Variants in RC3H2 observed in about 807,000 individuals in gnomAD.
RC3H2 encodes roquin-2.
In RC3H2, 31 loss-of-function variants were observed where a neutral mutation model predicts 133.3. That is an observed-to-expected ratio of 0.23 (90% CI 0.17 to 0.31). The LOEUF is 0.31. RC3H2 is among the 10% of genes least tolerant of loss of function. The pLI, the probability that RC3H2 is intolerant of heterozygous loss-of-function variation, is 1.00. For missense variants in RC3H2, 1,175 were observed against 1,437.2 expected (o/e 0.82, Z 2.95); for synonymous variants, 517 against 502.2 (o/e 1.03, Z -0.40).
At chr9:122,884,113 T>C (rs1244000368) in intron 4 of RC3H2, among the ~76,000 whole-genome samples, 1 of 151,942 alleles carries the variant, frequency 6.6e-6, no homozygotes, top group African/African-American at 2.4e-5. Context: ...GCTAACATGG[T>C]GAAACCCCGC....
intron 4 of RC3H2, among the ~76,000 whole-genome samples, chr9:122,884,311 C>T (rs1050964022): frequency 6.6e-6 from 1 of 151,948 alleles, no homozygotes; most frequent in Non-Finnish European, 1.5e-5. Context: ...AAATTAAACA[C>T]ACAGAACTAC....
In RC3H2 at chr9:122,901,263, T is replaced by A. The variant is rs59033438; in HGVS notation, c.-67-3687A>T. Among the ~76,000 whole-genome samples the A allele has an allele frequency of 6.6e-3, 1,003 of 152,342 alleles. 17 individuals carry two copies. The highest frequency in any genetic ancestry group is 0.023 in the African/African-American group (964 of 41,580). ...AACCTATGTGAGGAATATAAGCTAC[T>A]GAAATGGACTGTCACAGTACTTCCC... On this transcript the variant is annotated intron_variant, in intron 1 of 20. Transcript: ENST00000357244.
rs1436604171 is a variant in RC3H2, at chr9:122,869,737, T to G, written c.1326-4080A>C. Reference sequence around the variant, plus strand: ...CGCGCCTGCCAACACACCTGGCTAATTTTTGTATTTTTAGTAGAGATGGGG... The same window carrying G: ...CGCGCCTGCCAACACACCTGGCTAAGTTTTGTATTTTTAGTAGAGATGGGG... On this transcript the variant is annotated intron_variant, in intron 9 of 20. Transcript: ENST00000357244. Among the ~76,000 whole-genome samples, 3 of 151,970 alleles carry G rather than the reference T, an allele frequency of 2.0e-5. No homozygotes were observed. In the East Asian group the frequency reaches 5.8e-4, roughly 29 times the overall value.
chr9:122,903,557 TACC>T (rs915771880), intron 1 of RC3H2, among the ~76,000 whole-genome samples: 47 of 152,244 alleles, frequency 3.1e-4, no homozygotes, highest in African/African-American at 1.0e-3. Context: ...CATGTCAGGT[TACC>T]ACAACAGAAA....
chr9:122,865,389 G>A lies in RC3H2; in HGVS notation c.1594C>T (p.Gln532Ter). The A allele has an allele frequency of 6.2e-7, 1 of 1,613,840 alleles. No individual in the cohort carries two copies. Among genetic ancestry groups the A allele is most frequent in the Non-Finnish European group, 8.5e-7 (1 of 1,179,704 alleles). ...TCTGCAGAGGGCCCAGCAGCATTCT[G>A]ACCATTAGCGCCAACCTTTCCCACT... ...KKVGKVGANG[Q>*]NAAGPSADSV... Residue 532 changes from glutamine to a stop codon, truncating the protein, a stop_gained, in exon 10 of 21, where the codon CAG becomes TAG. Coordinates refer to ENST00000357244, the MANE Select transcript of RC3H2 (RefSeq NM_001100588.3). LOFTEE classifies it high-confidence loss of function.
In RC3H2 at chr9:122,865,322, C is replaced by T. The variant is rs1444035338; in HGVS notation, c.1634+27G>A. The T allele has an allele frequency of 1.9e-6, 3 of 1,550,400 alleles. No homozygotes were observed. In the South Asian group the frequency reaches 3.6e-5, roughly 18 times the overall value. On this transcript the variant is annotated intron_variant, in intron 10 of 20. Transcript: ENST00000357244. ...ATTTCTAAAAAGGAAAAAGAATTTC[C>T]AGTAATCATTTTTACCTAATACCTA... is the stretch of plus-strand genomic sequence containing the variant.
In RC3H2 at chr9:122,848,470, G is replaced by A. The variant is rs2131374472; in HGVS notation, c.*1157C>T. On this transcript the variant is annotated 3_prime_UTR_variant, in exon 21 of 21. Coordinates refer to ENST00000357244, the MANE Select transcript of RC3H2 (RefSeq NM_001100588.3). ...TCAAAACCATTTCAGTCACATTTTA[G>A]CAAGGCAGAAATTATTCATGTTCTT... The A allele has an allele frequency of 6.6e-6, 1 of 152,202 alleles. No homozygotes were observed. Among genetic ancestry groups the A allele is most frequent in the Non-Finnish European group, 1.5e-5 (1 of 67,982 alleles). The allele number at this position is 152,202 out of a possible 1,614,324, so 9.4% of individuals were successfully genotyped here.
intron 4 of RC3H2, among the ~76,000 whole-genome samples, chr9:122,888,553 CTT>C (rs1684765547): frequency 6.6e-6 from 1 of 152,160 alleles, no homozygotes; most frequent in Non-Finnish European, 1.5e-5. Flanking sequence ...CCCTCCTTCT[CTT>C]ACTTAGAAAG....
intron 2 of RC3H2, among the ~76,000 whole-genome samples, chr9:122,897,024 TAAAAAAAAAAAAAAAAAA>T (rs139505008): frequency 5.4e-5 from 2 of 37,022 alleles, no homozygotes; most frequent in Non-Finnish European, 1.1e-4. Flanking sequence ...AGACTCTGTC[TAAAAAAAAAAAAAAAAAA>T]AAAAAAAAGG....
chr9:122,852,438 C>T (rs1214269515), intron 18 of RC3H2, among the ~76,000 whole-genome samples: 9 of 148,782 alleles, frequency 6.0e-5, no homozygotes, highest in Middle Eastern at 3.6e-3. Context: ...GCCAGCCGCC[C>T]CGTCCGGGAG....
intron 11 of RC3H2, 23 bp downstream of exon 11, chr9:122,859,894 T>A: frequency 1.3e-6 from 2 of 1,538,840 alleles, no homozygotes; most frequent in Non-Finnish European, 1.8e-6. Context: ...CTTTTTTTCT[T>A]AGAATTGTCT....
At chr9:122,899,854 T>C (rs939253357) in intron 1 of RC3H2, among the ~76,000 whole-genome samples, 8 of 152,182 alleles carry the variant, frequency 5.3e-5, no homozygotes, top group African/African-American at 1.9e-4. Context: ...TGGCCACCTG[T>C]TTGGAAATGT....
chr9:122,867,172 G>T, intron 9 of RC3H2, among the ~76,000 whole-genome samples: 1 of 118,594 alleles, frequency 8.4e-6, no homozygotes, highest in African/African-American at 3.2e-5. Context: ...CCCGGCAGCC[G>T]GCCCATCTGA....
chr9:122,862,431 C>T (rs922304052), intron 10 of RC3H2, among the ~76,000 whole-genome samples: 1 of 152,200 alleles, frequency 6.6e-6, no homozygotes, highest in Admixed American at 6.5e-5. Flanking sequence ...CCTTCTCCAT[C>T]CACAAGGCCC....
chr9:122,898,068 A>C (rs1254325033), intron 1 of RC3H2: 1 of 152,294 alleles, frequency 6.6e-6, no homozygotes, highest in African/African-American at 2.4e-5. Flanking sequence ...TGAAGAAAAC[A>C]GCTTTGCCAC....
intron 9 of RC3H2, chr9:122,875,296 A>T: frequency 1.9e-6 from 3 of 1,550,638 alleles, no homozygotes; most frequent in Non-Finnish European, 2.6e-6. Flanking sequence ...TGTAGAGCTC[A>T]TTATGTACAG....
intron 5 of RC3H2, among the ~76,000 whole-genome samples, chr9:122,882,525 T>G (rs775122099): frequency 2.0e-4 from 30 of 152,346 alleles, no homozygotes; most frequent in Middle Eastern, 6.8e-3. Flanking sequence ...GCCTTTCTAT[T>G]TCCAAGTACA....
rs1564314902 is a variant in RC3H2 at position 122,890,223 on chromosome 9, G to A, written c.583+89C>T. Reference sequence around the variant, plus strand: ...TCAAGATTTGTACATATAAAGACGGGTTGAGTCTCAGGATTCACCGAGCTC... The same window carrying A: ...TCAAGATTTGTACATATAAAGACGGATTGAGTCTCAGGATTCACCGAGCTC... On this transcript the variant is annotated intron_variant, in intron 4 of 20. Transcript: ENST00000357244. The A allele has an allele frequency of 4.5e-6, 4 of 896,246 alleles. No individual in the cohort carries two copies. In the Admixed American group the frequency reaches 5.9e-5, roughly 13 times the overall value. The allele number at this position is 896,246 out of a possible 1,614,324, so 55.5% of individuals were successfully genotyped here.
chr9:122,883,159 T>G (rs1831726340), intron 5 of RC3H2, 45 bp downstream of exon 5: 2 of 1,551,288 alleles, frequency 1.3e-6, no homozygotes, highest in African/African-American at 1.4e-5. Context: ...AGGAAGTCTC[T>G]GTCTCACAAA....
Sources: gnomAD v4.1 joint callset for allele counts (sites outside exome capture counted in the v4.1 genomes callset) on GRCh38, gnomAD v4.1.1 for gene constraint, MANE v1.5 for transcripts, NCBI Gene and HGNC (gene_info 2026-07-23, HGNC 2026-07-21) for gene names.